Variants in CDH4 observed in about 807,000 individuals in gnomAD.
The protein encoded by CDH4 is cadherin-4.
Under a neutral mutation model 86.0 loss-of-function variants are expected in CDH4, and 33 were observed. The ratio of observed to expected loss-of-function variants is 0.38; its 90% CI spans 0.29 to 0.51. CDH4 has a LOEUF of 0.51. CDH4 is among the 20% of genes least tolerant of loss of function. The pLI is 0.86. For missense variants in CDH4, 1,114 were observed against 1,307.4 expected, an observed-to-expected ratio of 0.85 and a Z score of 2.28; for synonymous variants, 555 against 549.4, an observed-to-expected ratio of 1.01 and a Z score of -0.14.
Position 61,570,536 on chromosome 20 carries a change from ACCTCTG to A in CDH4, c.170-173025_170-173020del, listed in dbSNP as rs374471427. Reference sequence around the variant, plus strand: ...GGAATGAGAAGGTCGATGACAAGGCACCTCTGCTTTACATCCAAGCGTTGACTTTTG... The same window carrying A: ...GGAATGAGAAGGTCGATGACAAGGCACTTTACATCCAAGCGTTGACTTTTG... On this transcript the variant is annotated intron_variant, in intron 2 of 15. Coordinates refer to ENST00000614565, the MANE Select transcript of CDH4 (RefSeq NM_001794.5). 61 of 628,452 alleles carry A rather than the reference ACCTCTG, an allele frequency of 9.7e-5. No individual in the cohort carries two copies. The African/African-American group carries it at 1.0e-3, about 10-fold the overall frequency. 38.9% of individuals were successfully genotyped at this position (628,452 alleles called of 1,614,324 possible).
chr20:61,581,740 G>C (rs967693027), intron 2 of CDH4, among the ~76,000 whole-genome samples: 2 of 152,214 alleles, frequency 1.3e-5, no homozygotes, highest in Non-Finnish European at 2.9e-5. Context: ...GTCTTTGGCT[G>C]TCTGAGCTGT....
intron 7 of CDH4, among the ~76,000 whole-genome samples, chr20:61,893,024 G>T: frequency 7.2e-6 from 1 of 138,056 alleles, no homozygotes; most frequent in South Asian, 2.6e-4. Context: ...TGGGTGGGAG[G>T]GTGGATGGAT....
intron 9 of CDH4, among the ~76,000 whole-genome samples, chr20:61,919,837 G>GT: frequency 1.6e-5 from 1 of 63,698 alleles, no homozygotes; most frequent in South Asian, 7.4e-4. Context: ...GCATGGAAGC[G>GT]TGTGATTGTG....
At chr20:61,594,925 C>CTTCATTCA (rs1034145979) in intron 2 of CDH4, among the ~76,000 whole-genome samples, 2 of 152,086 alleles carry the variant, frequency 1.3e-5, no homozygotes, top group South Asian at 4.1e-4. Flanking sequence ...TTTATTAGTT[C>CTTCATTCA]TTCATTCATT....
At chr20:61,290,685 T>C (rs532352841) in intron 2 of CDH4, among the ~76,000 whole-genome samples, 3 of 152,178 alleles carry the variant, frequency 2.0e-5, no homozygotes, top group Non-Finnish European at 4.4e-5. Context: ...AGGTGTAAGA[T>C]GAAGACAGCC....
chr20:61,288,579 T>C (rs1169645334), intron 2 of CDH4, among the ~76,000 whole-genome samples: 1 of 152,208 alleles, frequency 6.6e-6, no homozygotes, highest in Non-Finnish European at 1.5e-5. Context: ...CAGGCCCTGA[T>C]GCCCATGGTG....
chr20:61,565,104 T>TGG (rs2086258826), intron 2 of CDH4, among the ~76,000 whole-genome samples: 1 of 52,056 alleles, frequency 1.9e-5, no homozygotes, highest in Admixed American at 2.1e-4. Context: ...GGTGGTGCTC[T>TGG]TGGTGGTGCT....
At chr20:61,860,507 T>G (rs1983273146) in intron 6 of CDH4, among the ~76,000 whole-genome samples, 1 of 152,176 alleles carries the variant, frequency 6.6e-6, no homozygotes, top group South Asian at 2.1e-4. Context: ...CCAGGAGGAC[T>G]TGGGTGCAGG....
intron 4 of CDH4, among the ~76,000 whole-genome samples, chr20:61,832,949 G>A (rs1981696016): frequency 6.6e-6 from 1 of 152,186 alleles, no homozygotes; most frequent in Admixed American, 6.5e-5. Flanking sequence ...TGTTACCCCT[G>A]GGGCTGCTAG....
intron 2 of CDH4, among the ~76,000 whole-genome samples, chr20:61,587,541 G>A (rs960851973): frequency 1.3e-5 from 2 of 152,102 alleles, no homozygotes; most frequent in Admixed American, 6.5e-5. Flanking sequence ...CTGAGGCAGG[G>A]TTCCAGGCCG....
intron 2 of CDH4, among the ~76,000 whole-genome samples, chr20:61,612,849 C>T (rs186433790): frequency 2.0e-5 from 3 of 152,218 alleles, no homozygotes; most frequent in Admixed American, 2.0e-4. Context: ...GGATTGCACA[C>T]CTCTGCATTC....
chr20:61,634,676 A>G (rs1433836573), intron 2 of CDH4, among the ~76,000 whole-genome samples: 2 of 152,234 alleles, frequency 1.3e-5, no homozygotes, highest in African/African-American at 4.8e-5. Flanking sequence ...TACACTTAAC[A>G]TAAGCGTTCG....
chr20:61,894,796 G>C, intron 7 of CDH4, 114 bp from the exon 8 acceptor site: 1 of 1,192,098 alleles, frequency 8.4e-7, no homozygotes, highest in Non-Finnish European at 1.2e-6. Flanking sequence ...CCCAGTGAAA[G>C]AGAACCGGTT....
At chr20:61,652,940 T>TTATTTTTTTTTTTTTA (rs1174373187) in intron 2 of CDH4, among the ~76,000 whole-genome samples, 2 of 111,186 alleles carry the variant, frequency 1.8e-5, no homozygotes, top group Admixed American at 1.7e-4. Context: ...ATTTATTTAT[T>TTATTTTTTTTTTTTTA]TTTTTTTTTT....
intron 5 of CDH4, 117 bp downstream of exon 5, chr20:61,844,940 C>A: frequency 9.5e-7 from 1 of 1,055,836 alleles, no homozygotes; most frequent in Non-Finnish European, 1.3e-6. Flanking sequence ...GGCAGCACTC[C>A]AACTTTGGCC....
chr20:61,780,520 G>A (rs1187918042), intron 4 of CDH4, among the ~76,000 whole-genome samples: 4 of 152,186 alleles, frequency 2.6e-5, no homozygotes, highest in Non-Finnish European at 4.4e-5. Flanking sequence ...TGACGGACAC[G>A]GCCCTAGTGC....
At chr20:61,542,038 C>T (rs2086043394) in intron 2 of CDH4, among the ~76,000 whole-genome samples, 1 of 152,118 alleles carries the variant, frequency 6.6e-6, no homozygotes, top group Non-Finnish European at 1.5e-5. Context: ...TGCTCTGGGC[C>T]CTCTTTCTCA....
At chr20:61,888,550 C>T (rs759184628) in intron 7 of CDH4, among the ~76,000 whole-genome samples, 3 of 152,220 alleles carry the variant, frequency 2.0e-5, no homozygotes, top group Admixed American at 6.5e-5. Flanking sequence ...ATGGGTAGTA[C>T]CATGAAGTCC....
At chr20:61,925,912 C>A (rs35038264) in intron 11 of CDH4, among the ~76,000 whole-genome samples, 7,093 of 152,264 alleles carry the variant, frequency 0.047, 239 homozygotes, top group Middle Eastern at 0.13. Context: ...GTCCTCCACC[C>A]ACAGCTCACA....
Sources: allele counts gnomAD v4.1 joint callset (sites outside exome capture counted in the v4.1 genomes callset), GRCh38; gene constraint gnomAD v4.1.1; transcripts MANE v1.5; gene names NCBI Gene and HGNC (gene_info 2026-07-23, HGNC 2026-07-21).